Variants in AHRR observed in about 807,000 individuals in gnomAD.
The protein encoded by AHRR is ahR repressor.
Under a neutral mutation model 44.0 loss-of-function variants are expected in AHRR, and 28 were observed. That is an observed-to-expected ratio of 0.64 (90% confidence interval 0.47 to 0.87). The LOEUF (loss-of-function observed/expected upper bound fraction) is 0.87, where lower values mean the gene tolerates loss of function less well. AHRR is among the 40% of genes least tolerant of loss of function. The pLI, the probability that AHRR is intolerant of heterozygous loss-of-function variation, is 0.00. For missense variants in AHRR, 990 were observed against 953.9 expected, an observed-to-expected ratio of 1.04 and a Z score of -0.50; for synonymous variants, 434 against 407.0, an observed-to-expected ratio of 1.07 and a Z score of -0.80.
intron 3 of AHRR, chr5:367,752 T>C: frequency 1.5e-6 from 1 of 675,816 alleles, no homozygotes; most frequent in South Asian, 1.6e-5. Context: ...TCTCTCCTAG[T>C]GCTTAACTCG....
intron 4 of AHRR, among the ~76,000 whole-genome samples, chr5:379,055 T>C (rs1327403134): frequency 6.6e-6 from 1 of 152,226 alleles, no homozygotes; most frequent in African/African-American, 2.4e-5. Context: ...CACAGCCCCC[T>C]GCCCCCAGCC....
At chr5:345,182 ATGTGTGTGTG>A (rs370649210) in intron 2 of AHRR, among the ~76,000 whole-genome samples, 1 of 862 alleles carries the variant, frequency 1.2e-3, no homozygotes, top group Non-Finnish European at 1.8e-3. Flanking sequence ...GTGTGTGGGG[ATGTGTGTGTG>A]TGTGTGTGTG....
chr5:378,244 C>A (rs1353417911), intron 4 of AHRR, among the ~76,000 whole-genome samples: 1 of 152,140 alleles, frequency 6.6e-6, no homozygotes, highest in East Asian at 1.9e-4. Flanking sequence ...AATCTCTTCA[C>A]AATAAACTGA....
At chr5:369,544 C>G (rs1015158534) in intron 3 of AHRR, among the ~76,000 whole-genome samples, 4 of 152,268 alleles carry the variant, frequency 2.6e-5, no homozygotes, top group African/African-American at 9.6e-5. Context: ...CGGGCTCCCT[C>G]TGTGTCACTT....
chr5:432,449 T>C lies in AHRR; in HGVS notation c.909-14T>C, dbSNP rs1736772525. ...ATCCGTCACATGTCACATGTTCATC[T>C]GTGTTCTTCACAGAGTAAAAGCCAC... On this transcript the variant is annotated splice_polypyrimidine_tract_variant and intron_variant, in intron 8 of 10. Transcript: ENST00000684583. 3.7e-6 allele frequency: 6 copies of C among 1,613,746 alleles called. No homozygotes were observed. The highest frequency in any genetic ancestry group is 5.1e-6 in the Non-Finnish European group (6 of 1,179,628).
chr5:432,269 G>A (rs945843160), intron 8 of AHRR, 194 bp from the exon 9 acceptor site: 3 of 570,234 alleles, frequency 5.3e-6, no homozygotes, highest in Non-Finnish European at 9.2e-6. Context: ...AATATTTTCA[G>A]TAAACCTGTA....
At chr5:344,017 G>A (rs932656639) in intron 2 of AHRR, 53 bp downstream of exon 2, 8 of 1,553,336 alleles carry the variant, frequency 5.2e-6, no homozygotes, top group Admixed American at 1.8e-5. Context: ...TGGAAGGGGA[G>A]GGTTGGGGTT....
intron 3 of AHRR, among the ~76,000 whole-genome samples, 168 bp from the exon 4 acceptor site, chr5:376,442 C>G (rs1733642861): frequency 9.7e-5 from 1 of 10,300 alleles, no homozygotes; most frequent in Non-Finnish European, 3.8e-3. Context: ...CTTGGACTCT[C>G]AGGGCTGTGG....
In AHRR at chr5:404,999, C is replaced by T. The variant is rs1735196059; in HGVS notation, c.352-8345C>T. 6.6e-6 allele frequency among the ~76,000 whole-genome samples: 1 copy of T among 152,102 alleles called. No individual in the cohort carries two copies. The highest frequency in any genetic ancestry group is 6.5e-5 in the Admixed American group (1 of 15,268). ...GCTACTGAGAGGAAAATAGTGATTT[C>T]CTTTCTGTGGATCATCCCATGGGCA... On this transcript the variant is annotated intron_variant, in intron 4 of 10. Coordinates refer to ENST00000684583, the MANE Select transcript of AHRR (RefSeq NM_001377236.1). This position sits in a 1 kb window ranked among gnomAD's most constrained non-coding sequence, Gnocchi z 4.1.
intron 4 of AHRR, among the ~76,000 whole-genome samples, chr5:412,717 T>C (rs60167495): frequency 5.1e-4 from 23 of 45,466 alleles, no homozygotes; most frequent in African/African-American, 6.3e-4. Context: ...CTCTCTCTCT[T>C]TTTTTTTTTT....
At chr5:433,299 C>T (rs1736826368) in intron 10 of AHRR, among the ~76,000 whole-genome samples, 1 of 152,160 alleles carries the variant, frequency 6.6e-6, no homozygotes, top group Non-Finnish European at 1.5e-5. Context: ...CCCCCCTCTC[C>T]CTCCCCAGGG....
In AHRR at chr5:370,450, C is replaced by G. The variant is rs1189754381; in HGVS notation, c.245-6160C>G. On this transcript the variant is annotated intron_variant, in intron 3 of 10. Coordinates refer to ENST00000684583, the MANE Select transcript of AHRR (RefSeq NM_001377236.1). The surrounding 1 kb of genome is among the most constrained non-coding windows in gnomAD (Gnocchi z 4.5). ...CGGGAGAGGTGTCGTAAGGGTCCCT[C>G]AGGAGGGAGCTTGAGCTGGAAGCAG... Among the ~76,000 whole-genome samples, 1 of 152,136 alleles carries G rather than the reference C, an allele frequency of 6.6e-6. No individual in the cohort carries two copies. Among genetic ancestry groups the G allele is most frequent in the Non-Finnish European group, 1.5e-5 (1 of 68,030 alleles).
chr5:423,442 C>T (rs190188581), intron 6 of AHRR, among the ~76,000 whole-genome samples: 1 of 152,292 alleles, frequency 6.6e-6, no homozygotes, highest in East Asian at 1.9e-4. Flanking sequence ...CACCTGCCCG[C>T]GGTCCTGTGC....
rs1197678292 is a variant in AHRR, at chr5:416,447, G to A, written c.441+3014G>A. On this transcript the variant is annotated intron_variant, in intron 5 of 10. Transcript: ENST00000684583. ...ACCACAGAGTGACATCGCTCTAGGC[G>A]GCTGCTGTTGACACCACGTGACCAC... Among the ~76,000 whole-genome samples the A allele has an allele frequency of 4.6e-5, 7 of 152,378 alleles. No homozygotes were observed. The East Asian group carries it at 5.8e-4, about 13-fold the overall frequency.
chr5:333,241 G>A (rs1741993332), intron 1 of AHRR, among the ~76,000 whole-genome samples: 1 of 152,118 alleles, frequency 6.6e-6, no homozygotes, highest in Non-Finnish European at 1.5e-5. Flanking sequence ...TGAGTTTCTT[G>A]TATGCAGCAT....
chr5:378,548 C>G (rs1016175581), intron 4 of AHRR, among the ~76,000 whole-genome samples: 5 of 152,244 alleles, frequency 3.3e-5, no homozygotes, highest in Non-Finnish European at 7.3e-5. Context: ...TCCAAGCCTC[C>G]GGCCTTCCCC....
At chr5:346,286 G>C (rs551275170) in intron 2 of AHRR, among the ~76,000 whole-genome samples, 160 of 152,330 alleles carry the variant, frequency 1.1e-3, no homozygotes, top group African/African-American at 3.5e-3. Context: ...CTGCCTCCAG[G>C]CAGGGAGCCA....
At chr5:376,977 A>G (rs2672781) in intron 4 of AHRR, among the ~76,000 whole-genome samples, 1,670 of 152,306 alleles carry the variant, frequency 0.011, 34 homozygotes, top group African/African-American at 0.039. Flanking sequence ...CTTGTGTGCT[A>G]CATCAGGAAA....
chr5:430,990 G>A (rs1293270328), intron 8 of AHRR, among the ~76,000 whole-genome samples: 1 of 152,242 alleles, frequency 6.6e-6, no homozygotes, highest in Non-Finnish European at 1.5e-5. Context: ...CTCGGGCCCA[G>A]GTCTTCCGGC....
Sources: allele counts gnomAD v4.1 joint callset (sites outside exome capture counted in the v4.1 genomes callset), GRCh38; gene constraint gnomAD v4.1.1; non-coding constraint Gnocchi (gnomAD v3.1); transcripts MANE v1.5; gene names NCBI Gene and HGNC (gene_info 2026-07-23, HGNC 2026-07-21).